FYB1: variants seen among roughly 807,000 people sequenced by gnomAD.
The protein encoded by FYB1 is FYN binding protein 1.
In FYB1, 41 loss-of-function variants were observed where a neutral mutation model predicts 94.1. That is an observed-to-expected ratio of 0.44 (90% CI 0.34 to 0.57). FYB1 has a LOEUF of 0.57. Ranked by LOEUF, FYB1 falls within the 20% of genes least tolerant of loss-of-function variation. The pLI is 0.02. For synonymous variants in FYB1, 367 were observed against 353.2 expected, an observed-to-expected ratio of 1.04 and a Z score of -0.44; for missense variants, 1,050 against 976.8, an observed-to-expected ratio of 1.07 and a Z score of -1.00.
chr5:39,201,956 T>A lies in FYB1; in HGVS notation c.1005A>T (p.Gly335=), dbSNP rs1408725319. ...PWGQSQEKEK[G]DKNSATPKQK... is the part of the protein sequence containing the mutation. ...GTTTCGGGGTGGCTGAATTCTTGTC[T>A]CCCTTTTCCTTTTCCTGACTTTGGC... Residue 335 remains glycine, a synonymous_variant, in exon 2 of 19, where the codon GGA becomes GGT. Coordinates refer to ENST00000512982, the MANE Select transcript of FYB1 (RefSeq NM_001465.6). The A allele has an allele frequency of 6.2e-7, 1 of 1,614,014 alleles. No individual in the cohort carries two copies. Among genetic ancestry groups the A allele is most frequent in the Admixed American group, 1.7e-5 (1 of 60,026 alleles).
At chr5:39,236,586 C>T (rs931796973) in intron 1 of FYB1, among the ~76,000 whole-genome samples, 2 of 152,030 alleles carry the variant, frequency 1.3e-5, no homozygotes, top group Non-Finnish European at 2.9e-5. Context: ...GTCAAAGGTT[C>T]TCATCATAGT....
chr5:39,163,441 T>C lies in FYB1; in HGVS notation c.1136-9837A>G, dbSNP rs1744448293. Among the ~76,000 whole-genome samples the C allele has an allele frequency of 2.6e-5, 4 of 152,178 alleles. No homozygotes were observed. In the South Asian group the frequency reaches 8.3e-4, roughly 31 times the overall value. Reference sequence around the variant, plus strand: ...GAGGTAGAGATCAAAACAAATCTAATGATCAATGAGAGGAAAATAAGTACA... The same window carrying C: ...GAGGTAGAGATCAAAACAAATCTAACGATCAATGAGAGGAAAATAAGTACA... On this transcript the variant is annotated intron_variant, in intron 2 of 18. Transcript: ENST00000512982.
intron 1 of FYB1, among the ~76,000 whole-genome samples, chr5:39,216,662 G>T (rs1749895604): frequency 6.6e-6 from 1 of 152,216 alleles, no homozygotes; most frequent in Non-Finnish European, 1.5e-5. Context: ...AGTTTAGGAA[G>T]AAGGGAAGAA....
chr5:39,198,189 C>T (rs1000869540), intron 2 of FYB1, among the ~76,000 whole-genome samples: 3 of 152,096 alleles, frequency 2.0e-5, no homozygotes, highest in African/African-American at 4.8e-5. Flanking sequence ...GTATTATACT[C>T]GTTTTTTCAA....
chr5:39,257,341 G>A (rs1303679966), intron 1 of FYB1, among the ~76,000 whole-genome samples: 1 of 151,628 alleles, frequency 6.6e-6, no homozygotes. Context: ...GAAAAAAAGA[G>A]AAATACCCTT....
chr5:39,260,689 A>G (rs986817089), intron 1 of FYB1, among the ~76,000 whole-genome samples: 4 of 152,186 alleles, frequency 2.6e-5, no homozygotes, highest in Non-Finnish European at 5.9e-5. Flanking sequence ...GAATATTTAT[A>G]GTCAGCTCAA....
At chr5:39,150,965 C>A (rs139233841) in intron 3 of FYB1, among the ~76,000 whole-genome samples, 2 of 151,866 alleles carry the variant, frequency 1.3e-5, no homozygotes, top group African/African-American at 4.8e-5. Flanking sequence ...TCAAGATAAG[C>A]GCTGCAATCT....
chr5:39,138,717 T>C (rs1741879423), intron 5 of FYB1, 26 bp from the exon 6 acceptor site: 2 of 1,301,934 alleles, frequency 1.5e-6, no homozygotes, highest in African/African-American at 1.5e-5. Context: ...TTGATAATGA[T>C]TAATTTTTAT....
chr5:39,132,011 A>G (rs1474633846), intron 9 of FYB1, among the ~76,000 whole-genome samples: 2 of 152,196 alleles, frequency 1.3e-5, no homozygotes, highest in African/African-American at 4.8e-5. Context: ...AAGAAGGTTT[A>G]CTATGAAATG....
chr5:39,180,455 A>G (rs1418181568), intron 2 of FYB1, among the ~76,000 whole-genome samples: 1 of 152,086 alleles, frequency 6.6e-6, no homozygotes, highest in Non-Finnish European at 1.5e-5. Flanking sequence ...AGCATATGTG[A>G]TGAGCATATG....
In FYB1 at chr5:39,202,888, C is replaced by T. The variant is rs1241157480; in HGVS notation, c.73G>A (p.Gly25Arg). 7 of 1,613,962 alleles carry T rather than the reference C, an allele frequency of 4.3e-6. No individual in the cohort carries two copies. The highest frequency in any genetic ancestry group is 2.2e-5 in the East Asian group (1 of 44,880). ...TGTATTCCTGAAGATGAGTTTGGCCCTGTGACTCTGAAGGGTCGGCTATTG... is the reference window on the plus strand; with the variant it reads ...TGTATTCCTGAAGATGAGTTTGGCCTTGTGACTCTGAAGGGTCGGCTATTG... Reference protein sequence around the residue: ...SVNSRPFRVTGPNSSSGIQAR... With the variant: ...SVNSRPFRVTRPNSSSGIQAR... Residue 25 changes from glycine (G) to arginine (R), a missense_variant, in exon 2 of 19, where the codon GGG (glycine) becomes AGG (arginine). Gly to Arg is a moderately radical substitution (Grantham distance 125, BLOSUM62 -2). Transcript: ENST00000512982.
chr5:39,246,586 G>C (rs1428826839), intron 1 of FYB1, among the ~76,000 whole-genome samples: 4 of 152,154 alleles, frequency 2.6e-5, no homozygotes, highest in African/African-American at 4.8e-5. Context: ...GTTTCACAGG[G>C]TTCCCTCTCT....
chr5:39,253,881 CTA>C (rs1336319992), intron 1 of FYB1, among the ~76,000 whole-genome samples: 1 of 152,170 alleles, frequency 6.6e-6, no homozygotes, highest in Admixed American at 6.5e-5. Flanking sequence ...TTGTTGCCCT[CTA>C]TGAGTCCATG....
At chr5:39,247,873 T>C (rs971977189) in intron 1 of FYB1, among the ~76,000 whole-genome samples, 1 of 105,234 alleles carries the variant, frequency 9.5e-6, no homozygotes, top group Non-Finnish European at 2.4e-5. Context: ...TTCTTGGCTT[T>C]GGGCTTACTT....
chr5:39,122,089 C>T (rs1740171527), intron 14 of FYB1, among the ~76,000 whole-genome samples: 1 of 151,666 alleles, frequency 6.6e-6, no homozygotes, highest in African/African-American at 2.4e-5. Context: ...GAAGCAGAAC[C>T]AGGAGGATGG....
chr5:39,202,765 C>T lies in FYB1; in HGVS notation c.196G>A (p.Val66Ile), dbSNP rs1325100029. 1.2e-6 allele frequency: 2 copies of T among 1,613,948 alleles called. No homozygotes were observed. The highest frequency in any genetic ancestry group is 1.7e-5 in the Admixed American group (1 of 60,016). Residue 66 changes from valine (V) to isoleucine (I), a missense_variant, in exon 2 of 19, where the codon GTC becomes ATC. Coordinates refer to ENST00000512982, the MANE Select transcript of FYB1 (RefSeq NM_001465.6). Reference protein sequence around the residue: ...KFGSPKPPVAVKPSSEEKPDK... With the variant: ...KFGSPKPPVAIKPSSEEKPDK... The stretch of plus-strand genomic sequence containing the variant: ...GGCTTTTCCTCAGAAGAAGGTTTGA[C>T]TGCCACAGGTGGCTTTGGGGACCCA...
At chr5:39,157,721 G>A (rs778501643) in intron 2 of FYB1, among the ~76,000 whole-genome samples, 1 of 152,168 alleles carries the variant, frequency 6.6e-6, no homozygotes, top group African/African-American at 2.4e-5. Context: ...AAAGCTCAGG[G>A]GGGGAATGCC....
At chr5:39,158,596 T>C (rs1743966773) in intron 2 of FYB1, among the ~76,000 whole-genome samples, 1 of 152,184 alleles carries the variant, frequency 6.6e-6, no homozygotes, top group Non-Finnish European at 1.5e-5. Context: ...TGTATTTCTG[T>C]TGGTCAAAAA....
At chr5:39,272,153 T>C (rs893905469) in intron 1 of FYB1, among the ~76,000 whole-genome samples, 1 of 151,970 alleles carries the variant, frequency 6.6e-6, no homozygotes, top group African/African-American at 2.4e-5. Flanking sequence ...AAATCTGGGG[T>C]TGAAACTCAG....
Sources: allele counts gnomAD v4.1 joint callset (sites outside exome capture counted in the v4.1 genomes callset), GRCh38; gene constraint gnomAD v4.1.1; transcripts MANE v1.5; gene names NCBI Gene and HGNC (gene_info 2026-07-23, HGNC 2026-07-21).